Variants in THEMIS observed in about 807,000 individuals in gnomAD.
THEMIS encodes the protein thymocyte selection associated.
THEMIS carries 37 observed loss-of-function variants against 52.6 expected under a neutral mutation model. The ratio of observed to expected loss-of-function variants is 0.70; its 90% CI spans 0.54 to 0.93. The LOEUF is 0.93. THEMIS is among the 40% of genes least tolerant of loss of function. The pLI is 0.00. For missense variants in THEMIS, 808 were observed against 763.1 expected (o/e 1.06, Z -0.69); for synonymous variants, 292 against 272.7 (o/e 1.07, Z -0.70).
chr6:127,703,155 C>G (rs1422770241), downstream of THEMIS, among the ~76,000 whole-genome samples: 1 of 142,858 alleles, frequency 7.0e-6, no homozygotes, highest in Non-Finnish European at 1.5e-5. Flanking sequence ...TCACGCCATT[C>G]TCCTGCCTCA....
chr6:127,900,754 T>C, intron 1 of THEMIS, 88 bp downstream of exon 1: 2 of 1,091,592 alleles, frequency 1.8e-6, no homozygotes, highest in Non-Finnish European at 2.8e-6. Context: ...ACTCACATAT[T>C]TGCTGTTAAA....
intron 4 of THEMIS, among the ~76,000 whole-genome samples, chr6:127,731,467 C>G (rs1774792253): frequency 1.3e-5 from 2 of 151,638 alleles, no homozygotes; most frequent in African/African-American, 4.9e-5. Flanking sequence ...ACTATAATAA[C>G]AGCTAACATT....
At chr6:127,710,156 G>C in intron 5 of THEMIS, 140 bp from the exon 6 acceptor site, 2 of 465,012 alleles carry the variant, frequency 4.3e-6, no homozygotes, top group Non-Finnish European at 7.3e-6. Flanking sequence ...GAAAGAGCCA[G>C]CAAAATAAAG....
At chr6:127,814,361 T>G (rs1778054840) in intron 3 of THEMIS, among the ~76,000 whole-genome samples, 1 of 152,218 alleles carries the variant, frequency 6.6e-6, no homozygotes, top group African/African-American at 2.4e-5. Context: ...GTTTATAAAT[T>G]ATTAGGTCAT....
chr6:127,744,632 C>G (rs1254603003), intron 4 of THEMIS, among the ~76,000 whole-genome samples: 1 of 151,900 alleles, frequency 6.6e-6, no homozygotes, highest in African/African-American at 2.4e-5. Flanking sequence ...AATGGTCAAA[C>G]TTGTGAAAAC....
chr6:127,801,878 G>T (rs1219491220), intron 4 of THEMIS, among the ~76,000 whole-genome samples: 1 of 152,150 alleles, frequency 6.6e-6, no homozygotes, highest in Non-Finnish European at 1.5e-5. Context: ...CACGGGAAAA[G>T]AACTGCTTGA....
intron 1 of THEMIS, among the ~76,000 whole-genome samples, chr6:127,858,772 A>C (rs1261275081): frequency 6.6e-6 from 1 of 152,116 alleles, no homozygotes; most frequent in Non-Finnish European, 1.5e-5. Flanking sequence ...CGAATCTATT[A>C]AATCTTTACA....
chr6:127,759,373 C>G (rs1775939290), intron 4 of THEMIS, among the ~76,000 whole-genome samples: 1 of 152,158 alleles, frequency 6.6e-6, no homozygotes, highest in South Asian at 2.1e-4. Context: ...CTTCCCTAAT[C>G]ACTGGACTCA....
At chr6:127,763,484 G>T (rs1404198190) in intron 4 of THEMIS, among the ~76,000 whole-genome samples, 1 of 151,866 alleles carries the variant, frequency 6.6e-6, no homozygotes, top group African/African-American at 2.4e-5. Flanking sequence ...AACAAAGTAG[G>T]TTATAATTAG....
chr6:127,705,451 T>G (rs1378888485), downstream of THEMIS, among the ~76,000 whole-genome samples: 2 of 152,160 alleles, frequency 1.3e-5, no homozygotes, highest in Non-Finnish European at 2.9e-5. Flanking sequence ...AAGCTTCAAT[T>G]TGCCTGTCAC....
chr6:127,800,347 C>CT (rs577093807), intron 4 of THEMIS, among the ~76,000 whole-genome samples: 125 of 152,314 alleles, frequency 8.2e-4, no homozygotes, highest in African/African-American at 2.9e-3. Context: ...GCTACCCACT[C>CT]TAGCTTCATC....
At chr6:127,776,580 T>C (rs1776573082) in intron 4 of THEMIS, among the ~76,000 whole-genome samples, 1 of 152,254 alleles carries the variant, frequency 6.6e-6, no homozygotes, top group Admixed American at 6.5e-5. Context: ...GCTGACACAT[T>C]GACTGAGGTA....
At chr6:127,783,076 A>G (rs955505867) in intron 4 of THEMIS, among the ~76,000 whole-genome samples, 2 of 152,166 alleles carry the variant, frequency 1.3e-5, no homozygotes, top group African/African-American at 4.8e-5. Context: ...GGCCTCAGAA[A>G]TAATGCCACA....
chr6:127,829,952 T>C lies in THEMIS; in HGVS notation c.251-18A>G. 6.4e-7 allele frequency: 1 copy of C among 1,561,044 alleles called. No homozygotes were observed. Among genetic ancestry groups the C allele is most frequent in the Non-Finnish European group, 8.7e-7 (1 of 1,149,854 alleles). The stretch of plus-strand genomic sequence containing the variant: ...AAAAAGACCTAAGAACAGAATTACG[T>C]GAATTAAAAAGAGAGTTCTTACAAT... On this transcript the variant is annotated intron_variant, in intron 2 of 5. Transcript: ENST00000368248.
chr6:127,845,049 T>G (rs1210097494), intron 2 of THEMIS, among the ~76,000 whole-genome samples: 1 of 150,888 alleles, frequency 6.6e-6, no homozygotes, highest in Non-Finnish European at 1.5e-5. Context: ...CATTCAAATT[T>G]TAGTAAAAAA....
At chr6:127,729,730 C>T (rs374828324) in intron 4 of THEMIS, among the ~76,000 whole-genome samples, 130 of 152,254 alleles carry the variant, frequency 8.5e-4, no homozygotes, top group African/African-American at 2.9e-3. Flanking sequence ...AAGAGCAATC[C>T]GCTTACTGCT....
intron 4 of THEMIS, among the ~76,000 whole-genome samples, chr6:127,798,294 T>G (rs1777399568): frequency 6.6e-6 from 1 of 152,218 alleles, no homozygotes; most frequent in Non-Finnish European, 1.5e-5. Flanking sequence ...AGTTGTGATA[T>G]TAGTTCAAAA....
At chr6:127,729,053 C>T (rs1382886058) in intron 4 of THEMIS, among the ~76,000 whole-genome samples, 1 of 151,970 alleles carries the variant, frequency 6.6e-6, no homozygotes, top group East Asian at 1.9e-4. Flanking sequence ...ATCCAAGAGG[C>T]TTTAAAACCT....
intron 1 of THEMIS, among the ~76,000 whole-genome samples, chr6:127,894,660 GA>G (rs1780909850): frequency 6.6e-6 from 1 of 151,482 alleles, no homozygotes; most frequent in African/African-American, 2.4e-5. Context: ...AAAAATAAAA[GA>G]AACAAAACAT....
Sources: allele counts gnomAD v4.1 joint callset (sites outside exome capture counted in the v4.1 genomes callset), GRCh38; gene constraint gnomAD v4.1.1; transcripts MANE v1.5; gene names NCBI Gene and HGNC (gene_info 2026-07-23, HGNC 2026-07-21).